BTBD3: variants seen among roughly 807,000 people sequenced by gnomAD.
BTBD3 encodes the protein BTB/POZ domain-containing protein 3.
A neutral mutation model predicts 41.6 loss-of-function variants in BTBD3; 14 were observed. That is an observed-to-expected ratio of 0.34 (90% CI 0.22 to 0.53). The LOEUF (loss-of-function observed/expected upper bound fraction) is 0.53, where lower values mean the gene tolerates loss of function less well. Among genes scored for constraint, BTBD3 ranks in the 20% least tolerant of loss-of-function variants. The pLI is 0.95. For synonymous variants in BTBD3, 249 were observed against 233.7 expected (o/e 1.07, Z -0.60); for missense variants, 426 against 654.7 (o/e 0.65, Z 3.81).
intron 1 of BTBD3, among the ~76,000 whole-genome samples, chr20:11,893,696 AT>A (rs1306120159): frequency 8.5e-5 from 13 of 152,320 alleles, no homozygotes; most frequent in East Asian, 5.8e-4. Context: ...AAATAAAAAA[AT>A]ATTTCCTGTT....
At chr20:11,901,218 C>G (rs1015163241) in intron 1 of BTBD3, among the ~76,000 whole-genome samples, 1 of 152,226 alleles carries the variant, frequency 6.6e-6, no homozygotes, top group Non-Finnish European at 1.5e-5. Context: ...TGGTAGCATT[C>G]TCTTGCACAG....
At chr20:11,908,510 A>C (rs2056870212) in intron 1 of BTBD3, among the ~76,000 whole-genome samples, 1 of 151,906 alleles carries the variant, frequency 6.6e-6, no homozygotes, top group Non-Finnish European at 1.5e-5. Context: ...GTTTTCATGA[A>C]TAGTCCCCAC....
intron 1 of BTBD3, among the ~76,000 whole-genome samples, chr20:11,902,235 A>C (rs1455850646): frequency 2.0e-5 from 3 of 152,230 alleles, no homozygotes; most frequent in Admixed American, 6.5e-5. Context: ...ATATATTATG[A>C]AAATCATAAG....
chr20:11,905,545 T>C (rs80060591), intron 1 of BTBD3, among the ~76,000 whole-genome samples: 1,905 of 152,344 alleles, frequency 0.013, 18 homozygotes, highest in Non-Finnish European at 0.019. Flanking sequence ...ATAGCTATTT[T>C]GCACTTAGCC....
chr20:11,899,832 G>T (rs2056813147), intron 1 of BTBD3, among the ~76,000 whole-genome samples: 1 of 151,862 alleles, frequency 6.6e-6, no homozygotes, highest in Non-Finnish European at 1.5e-5. Flanking sequence ...GCTGTGATTT[G>T]CAAGAAAAAA....
Position 11,910,957 on chromosome 20 carries a change from T to C in BTBD3, c.-125-7377T>C, listed in dbSNP as rs561913925. On this transcript the variant is annotated intron_variant, in intron 1 of 4. Transcript: ENST00000254977. ...TATCAAATAACTACTTGATGAAAGC[T>C]CAATTATTCTAATGTAGTTCAGCCA... 2.2e-4 allele frequency among the ~76,000 whole-genome samples: 34 copies of C among 152,326 alleles called. 1 individual carries two copies. The South Asian group carries it at 5.0e-3, about 22-fold the overall frequency.
chr20:11,893,987 G>C (rs2056771550), intron 1 of BTBD3, among the ~76,000 whole-genome samples: 1 of 152,200 alleles, frequency 6.6e-6, no homozygotes, highest in South Asian at 2.1e-4. Flanking sequence ...TATTGAACTA[G>C]TTTTCTGTTG....
At chr20:11,895,987 T>C (rs1372220273) in intron 1 of BTBD3, among the ~76,000 whole-genome samples, 1 of 152,204 alleles carries the variant, frequency 6.6e-6, no homozygotes, top group Non-Finnish European at 1.5e-5. Context: ...TAGAAAGATC[T>C]CTTACTGTCA....
In BTBD3 at chr20:11,905,619, C is replaced by G. The variant is rs551495384; in HGVS notation, c.-125-12715C>G. Among the ~76,000 whole-genome samples the G allele has an allele frequency of 9.2e-5, 14 of 152,270 alleles. No homozygotes were observed. In the South Asian group the frequency reaches 2.9e-3, roughly 32 times the overall value. The stretch of plus-strand genomic sequence containing the variant: ...ATTCAGGTGTGGGTGAGGAGGACTG[C>G]GGAAAAGTAAGGTGACTTTACTGCT... On this transcript the variant is annotated intron_variant, in intron 1 of 4. Transcript: ENST00000254977.
At chr20:11,904,869 G>A (rs1170377186) in intron 1 of BTBD3, among the ~76,000 whole-genome samples, 2 of 152,124 alleles carry the variant, frequency 1.3e-5, no homozygotes, top group African/African-American at 2.4e-5. Flanking sequence ...TGAACGTTTT[G>A]TACTCTTGTT....
At chr20:11,910,216 C>T (rs760319499) in intron 1 of BTBD3, 2 of 138,828 alleles carry the variant, frequency 1.4e-5, no homozygotes, top group Admixed American at 7.4e-5. Flanking sequence ...GACTATCTTT[C>T]GAATATCAGA....
At chr20:11,898,316 A>T (rs2056801671) in intron 1 of BTBD3, among the ~76,000 whole-genome samples, 1 of 151,994 alleles carries the variant, frequency 6.6e-6, no homozygotes, top group South Asian at 2.1e-4. Flanking sequence ...TTTCCATTTT[A>T]GGTCTTTGCA....
At chr20:11,913,071 CCT>C (rs1393557222), upstream of BTBD3, among the ~76,000 whole-genome samples, 1 of 152,214 alleles carries the variant, frequency 6.6e-6, no homozygotes, top group Non-Finnish European at 1.5e-5. Flanking sequence ...AAACTACTCT[CCT>C]CTGTTAGGTT....
intron 1 of BTBD3, among the ~76,000 whole-genome samples, chr20:11,908,647 T>A (rs904676127): frequency 1.1e-4 from 17 of 152,206 alleles, no homozygotes; most frequent in African/African-American, 3.8e-4. Flanking sequence ...TTATTTTTAT[T>A]TTAGAGAATA....
intron 1 of BTBD3, among the ~76,000 whole-genome samples, chr20:11,906,845 G>C (rs982722700): frequency 6.6e-6 from 1 of 152,088 alleles, no homozygotes; most frequent in Non-Finnish European, 1.5e-5. Context: ...TTGAAGACTG[G>C]GTGTGTCTAA....
upstream of BTBD3, among the ~76,000 whole-genome samples, chr20:11,915,514 A>G (rs1236508933): frequency 1.3e-5 from 2 of 152,144 alleles, no homozygotes; most frequent in Admixed American, 6.6e-5. Flanking sequence ...TGAATACTGT[A>G]TGAAATGCAG....
chr20:11,902,390 A>G (rs1450670111), intron 1 of BTBD3, among the ~76,000 whole-genome samples: 3 of 152,186 alleles, frequency 2.0e-5, no homozygotes, highest in African/African-American at 7.2e-5. Flanking sequence ...AAGCAATTCA[A>G]CTTTTTTCTT....
chr20:11,923,179 A>G lies in BTBD3; in HGVS notation c.1082A>G (p.Gln361Arg). The G allele has an allele frequency of 1.2e-6, 2 of 1,614,240 alleles. No homozygotes were observed. Among genetic ancestry groups the G allele is most frequent in the Non-Finnish European group, 1.7e-6 (2 of 1,180,040 alleles). ...ACTGCAGCCAAAAAGCCTGAGCTTC[A>G]GTTTGTGAGTAAAGCCCGTAAGGGC... Reference protein sequence around the residue: ...WYTAAKKPELQFVSKARKGLV... With the variant: ...WYTAAKKPELRFVSKARKGLV... The change falls in exon 4 of 4, where the codon CAG (glutamine) becomes CGG (arginine). Residue 361 changes from glutamine (Q) to arginine (R), a missense_variant. Physicochemically the swap from Gln to Arg is conservative, Grantham distance 43. Coordinates refer to ENST00000378226, the MANE Select transcript of BTBD3 (RefSeq NM_014962.4). The surrounding 1 kb of genome is among the most constrained non-coding windows in gnomAD (Gnocchi z 5.3).
intron 1 of BTBD3, among the ~76,000 whole-genome samples, chr20:11,912,098 T>C (rs1197930818): frequency 6.6e-6 from 1 of 152,160 alleles, no homozygotes; most frequent in Non-Finnish European, 1.5e-5. Context: ...GGTGGCTTAA[T>C]GAAACTGACC....
Sources: allele counts gnomAD v4.1 joint callset (sites outside exome capture counted in the v4.1 genomes callset), GRCh38; gene constraint gnomAD v4.1.1; non-coding constraint Gnocchi (gnomAD v3.1); transcripts MANE v1.5; gene names NCBI Gene and HGNC (gene_info 2026-07-23, HGNC 2026-07-21).